SATB1: variants seen among roughly 807,000 people sequenced by gnomAD.
SATB1 encodes the protein SATB homeobox 1.
A neutral mutation model predicts 86.9 loss-of-function variants in SATB1; 11 were observed. The ratio of observed to expected loss-of-function variants is 0.13; its 90% CI spans 0.08 to 0.21. SATB1 has a LOEUF of 0.21. SATB1 is among the 10% of genes least tolerant of loss of function. The pLI is 1.00. For synonymous variants in SATB1, 357 were observed against 357.2 expected (o/e 1.00, Z 0.01); for missense variants, 551 against 937.6 (o/e 0.59, Z 5.39).
intron 5 of SATB1, among the ~76,000 whole-genome samples, chr3:18,408,338 T>C (rs1284593135): frequency 1.3e-5 from 2 of 152,016 alleles, no homozygotes; most frequent in Admixed American, 1.3e-4. Flanking sequence ...TAGAACACAA[T>C]ACAATCTTAT....
intron 2 of SATB1, among the ~76,000 whole-genome samples, chr3:18,434,199 A>T (rs1466773575): frequency 6.6e-6 from 1 of 152,094 alleles, no homozygotes; most frequent in Non-Finnish European, 1.5e-5. Flanking sequence ...GCTCTCAAAA[A>T]TAACTTTTTA....
At chr3:18,432,586 T>C (rs1480707286) in intron 2 of SATB1, among the ~76,000 whole-genome samples, 1 of 152,176 alleles carries the variant, frequency 6.6e-6, no homozygotes, top group Non-Finnish European at 1.5e-5. Flanking sequence ...GGACAATAAT[T>C]AAATACTACT....
Position 18,351,352 on chromosome 3 carries a change from G to C in SATB1, c.1779+640C>G. On this transcript the variant is annotated intron_variant, in intron 10 of 10. Transcript: ENST00000338745. ...CGAGCCATGGTGCAGGGGTCGGCAG[G>C]CCTGGTAAGAAAACGCCTCTAGACT... 4.5e-6 allele frequency: 7 copies of C among 1,555,134 alleles called. No homozygotes were observed. In the South Asian group the frequency reaches 8.2e-5, roughly 18 times the overall value.
chr3:18,410,369 C>G (rs1697769413), intron 5 of SATB1, among the ~76,000 whole-genome samples: 1 of 151,932 alleles, frequency 6.6e-6, no homozygotes, highest in African/African-American at 2.4e-5. Flanking sequence ...GAAAAGGCTA[C>G]TTGGTGAAGC....
chr3:18,354,222 A>G (rs1209018632), intron 9 of SATB1, among the ~76,000 whole-genome samples: 2 of 152,208 alleles, frequency 1.3e-5, no homozygotes, highest in Non-Finnish European at 2.9e-5. Flanking sequence ...ATCTGAATTA[A>G]GCCATGAAAA....
chr3:18,356,060 T>A (rs918654506), intron 9 of SATB1, among the ~76,000 whole-genome samples: 4 of 151,944 alleles, frequency 2.6e-5, no homozygotes, highest in African/African-American at 9.7e-5. Context: ...CCTTGAGCTG[T>A]TGCAATCAAT....
At chr3:18,439,656 T>C (rs1047421596), upstream of SATB1, among the ~76,000 whole-genome samples, 1 of 152,180 alleles carries the variant, frequency 6.6e-6, no homozygotes, top group Non-Finnish European at 1.5e-5. Flanking sequence ...TATATGTTGT[T>C]ATTAAGACCA....
intron 8 of SATB1, among the ~76,000 whole-genome samples, chr3:18,384,300 A>G (rs1231911716): frequency 1.3e-5 from 2 of 152,248 alleles, no homozygotes; most frequent in East Asian, 1.9e-4. Context: ...GAAAAGAAAT[A>G]TCACTTAATA....
intron 5 of SATB1, among the ~76,000 whole-genome samples, chr3:18,411,304 A>G (rs889165671): frequency 6.6e-6 from 1 of 152,042 alleles, no homozygotes; most frequent in South Asian, 2.1e-4. Flanking sequence ...GTACGCCCAC[A>G]TGTGTGGTGA....
At position 18,348,193 on chromosome 3, in the gene SATB1, A is replaced by C. The variant is rs1410009197; in HGVS notation, c.*977T>G. On this transcript the variant is annotated 3_prime_UTR_variant, in exon 11 of 11. Coordinates refer to ENST00000338745, the MANE Select transcript of SATB1 (RefSeq NM_002971.6). Reference sequence around the variant, plus strand: ...CATCAATTATTTTCACATTAATTGCATAATTTTCTAAGGTGATCTATTAGT... The same window carrying C: ...CATCAATTATTTTCACATTAATTGCCTAATTTTCTAAGGTGATCTATTAGT... The C allele has an allele frequency of 6.6e-6, 1 of 152,668 alleles. No individual in the cohort carries two copies. The highest frequency in any genetic ancestry group is 1.9e-4 in the East Asian group (1 of 5,206). The allele number at this position is 152,668 out of a possible 1,614,324, so 9.5% of individuals were successfully genotyped here. A position where few individuals can be genotyped will look rare whatever the true frequency, so the allele number is the denominator to read the frequency against.
rs555674937 is a variant in SATB1 at position 18,374,794 on chromosome 3, G to C, written c.1575+3376C>G. ...AGGTATTTATGATACATAAATACCT[G>C]ATAAATAAATCTCTATCCATGTGGA... On this transcript the variant is annotated intron_variant, in intron 9 of 10. Coordinates refer to ENST00000338745, the MANE Select transcript of SATB1 (RefSeq NM_002971.6). Among the ~76,000 whole-genome samples the C allele has an allele frequency of 2.0e-5, 3 of 152,260 alleles. No homozygotes were observed. The South Asian group carries it at 6.2e-4, about 32-fold the overall frequency.
chr3:18,382,016 G>T (rs1320366817), intron 8 of SATB1, among the ~76,000 whole-genome samples: 1 of 152,104 alleles, frequency 6.6e-6, no homozygotes, highest in Non-Finnish European at 1.5e-5. Flanking sequence ...ATCTTAAAAT[G>T]ATCTTCAAGG....
intron 9 of SATB1, among the ~76,000 whole-genome samples, chr3:18,361,311 A>G (rs1694895479): frequency 6.6e-6 from 1 of 152,262 alleles, no homozygotes; most frequent in East Asian, 1.9e-4. Flanking sequence ...TAATTTTACC[A>G]CTTAGTTCAC....
chr3:18,393,814 TC>T, intron 7 of SATB1, among the ~76,000 whole-genome samples: 1 of 152,318 alleles, frequency 6.6e-6, no homozygotes, highest in African/African-American at 2.4e-5. Flanking sequence ...TACTATCTGG[TC>T]GATAACAGAA....
intron 9 of SATB1, among the ~76,000 whole-genome samples, chr3:18,359,538 A>C (rs992864236): frequency 6.6e-6 from 1 of 152,062 alleles, no homozygotes; most frequent in Non-Finnish European, 1.5e-5. Flanking sequence ...CTAATTTGAA[A>C]GTTTAATTTT....
intron 9 of SATB1, among the ~76,000 whole-genome samples, chr3:18,370,513 G>T: frequency 2.7e-5 from 1 of 37,084 alleles, no homozygotes; most frequent in African/African-American, 1.1e-4. Context: ...AACTGAGAGA[G>T]GCAAAAAAAA....
At chr3:18,396,032 G>A (rs1344303384) in intron 6 of SATB1, among the ~76,000 whole-genome samples, 3 of 152,074 alleles carry the variant, frequency 2.0e-5, no homozygotes, top group African/African-American at 4.8e-5. Flanking sequence ...TTATCATAGC[G>A]CTATAGCTCC....
rs1470099709 is a variant in SATB1, at chr3:18,349,620, T to G, written c.1842A>C (p.Pro614=). The G allele has an allele frequency of 4.3e-6, 7 of 1,613,342 alleles. No individual in the cohort carries two copies. The highest frequency in any genetic ancestry group is 2.2e-5 in the South Asian group (2 of 91,050). ...GAGGGCCTGTCTGTGGCTGCTGCTG[T>G]GGCTGTGGAGGCGGCGGTGCCTGCT... ...QQQQAPPPPQ[P]QQQPQTGPRL... The change falls in exon 11 of 11, where the codon CCA becomes CCC. Residue 614 remains proline (P), a synonymous_variant. Coordinates refer to ENST00000338745, the MANE Select transcript of SATB1 (RefSeq NM_002971.6). The surrounding 1 kb of genome is among the most constrained non-coding windows in gnomAD (Gnocchi z 5.5).
At chr3:18,373,536 C>T (rs1425873512) in intron 9 of SATB1, among the ~76,000 whole-genome samples, 1 of 152,126 alleles carries the variant, frequency 6.6e-6, no homozygotes, top group East Asian at 1.9e-4. Context: ...CATTTTTAGC[C>T]CTATTTCTAG....
Sources: gnomAD v4.1 joint callset for allele counts (sites outside exome capture counted in the v4.1 genomes callset) on GRCh38, gnomAD v4.1.1 for gene constraint, Gnocchi (gnomAD v3.1) non-coding constraint, MANE v1.5 for transcripts, NCBI Gene and HGNC (gene_info 2026-07-23, HGNC 2026-07-21) for gene names.